RABGAP1L: variants seen among roughly 807,000 people sequenced by gnomAD.
The protein encoded by RABGAP1L is rab GTPase-activating protein 1-like.
RABGAP1L carries 63 observed loss-of-function variants against 137.7 expected under a neutral mutation model. The observed-to-expected ratio is 0.46, with a 90% CI of 0.37 to 0.56. RABGAP1L has a LOEUF of 0.56. RABGAP1L is among the 20% of genes least tolerant of loss of function. The pLI is 0.00. For missense variants in RABGAP1L, 1,095 were observed against 1,244.0 expected (o/e 0.88, Z 1.80); for synonymous variants, 431 against 433.7 (o/e 0.99, Z 0.08).
At chr1:174,390,571 A>G (rs1448162719) in intron 12 of RABGAP1L, among the ~76,000 whole-genome samples, 6 of 152,206 alleles carry the variant, frequency 3.9e-5, no homozygotes, top group Admixed American at 3.9e-4. Context: ...GCTGCTTGTT[A>G]CTTTCATTCT....
chr1:174,550,710 TA>T (rs532073439), intron 13 of RABGAP1L, among the ~76,000 whole-genome samples: 209 of 151,048 alleles, frequency 1.4e-3, no homozygotes, highest in African/African-American at 4.8e-3. Context: ...CTACAGAATC[TA>T]ACTGGCATTT....
At chr1:174,528,367 C>T (rs1424291396) in intron 13 of RABGAP1L, among the ~76,000 whole-genome samples, 1 of 152,002 alleles carries the variant, frequency 6.6e-6, no homozygotes, top group Non-Finnish European at 1.5e-5. Flanking sequence ...TTAGGACTCC[C>T]TTGAGCATTT....
intron 5 of RABGAP1L, chr1:174,245,399 AT>A (rs959769407): frequency 6.6e-6 from 1 of 152,100 alleles, no homozygotes. Context: ...ACAAGTATTT[AT>A]TTAATTGTTA....
At chr1:174,929,120 C>T (rs997219247) in intron 19 of RABGAP1L, among the ~76,000 whole-genome samples, 6 of 151,942 alleles carry the variant, frequency 3.9e-5, no homozygotes, top group African/African-American at 1.5e-4. Context: ...ATGTAAATGA[C>T]GAGTTAATGG....
rs1222277473 is a variant in RABGAP1L at position 174,329,654 on chromosome 1, AATGTAAAG to A, written c.1465+24531_1465+24538del. 1.3e-5 allele frequency among the ~76,000 whole-genome samples: 2 copies of A among 152,178 alleles called. 1 individual carries two copies. Among genetic ancestry groups the A allele is most frequent in the Non-Finnish European group, 2.9e-5 (2 of 68,020 alleles). On this transcript the variant is annotated intron_variant, in intron 11 of 25. Coordinates refer to ENST00000681986, the MANE Select transcript of RABGAP1L (RefSeq NM_001366446.1). ...ATTATCTAGAAGGATTCAACCCAGGAATGTAAAGATGGTTTAACATAAGCAAATCAGTA... is the reference window on the plus strand; with the variant it reads ...ATTATCTAGAAGGATTCAACCCAGGAATGGTTTAACATAAGCAAATCAGTA...
chr1:174,867,052 C>T (rs1389690964), intron 19 of RABGAP1L, among the ~76,000 whole-genome samples: 2 of 151,292 alleles, frequency 1.3e-5, no homozygotes, highest in African/African-American at 4.9e-5. Context: ...TGCATCACTG[C>T]ACTCCAGCCT....
chr1:174,734,090 G>A (rs1249519103), intron 17 of RABGAP1L, among the ~76,000 whole-genome samples: 1 of 152,178 alleles, frequency 6.6e-6, no homozygotes, highest in Non-Finnish European at 1.5e-5. Context: ...AGAAGAGATT[G>A]GAGGAAGAAC....
At chr1:174,441,808 A>G (rs973920271) in intron 13 of RABGAP1L, among the ~76,000 whole-genome samples, 6 of 152,102 alleles carry the variant, frequency 3.9e-5, no homozygotes, top group Non-Finnish European at 5.9e-5. Flanking sequence ...GTTGCTAAAA[A>G]GAAAAAACTA....
chr1:174,161,304 G>A (rs938140972), intron 1 of RABGAP1L, among the ~76,000 whole-genome samples: 61 of 149,908 alleles, frequency 4.1e-4, no homozygotes, highest in African/African-American at 1.3e-3. Context: ...GTGCAACAGC[G>A]CGATCTCGGC....
chr1:174,287,417 C>T (rs541774106), intron 10 of RABGAP1L, among the ~76,000 whole-genome samples: 1 of 152,208 alleles, frequency 6.6e-6, no homozygotes, highest in South Asian at 2.1e-4. Flanking sequence ...CCTGTGTGTT[C>T]TCAAAGCTAA....
chr1:174,384,029 A>T (rs947297525), intron 12 of RABGAP1L, among the ~76,000 whole-genome samples: 2 of 152,160 alleles, frequency 1.3e-5, no homozygotes, highest in Non-Finnish European at 2.9e-5. Flanking sequence ...AAACAACCCA[A>T]ATGTCCGTCA....
At chr1:174,170,672 A>AG (rs1491538913) in intron 1 of RABGAP1L, among the ~76,000 whole-genome samples, 1 of 60,252 alleles carries the variant, frequency 1.7e-5, no homozygotes, top group African/African-American at 1.2e-4. Context: ...ACGCTGTTTC[A>AG]AAAAAAAAAA....
chr1:174,587,928 A>G (rs1448893344), intron 13 of RABGAP1L, among the ~76,000 whole-genome samples: 3 of 152,160 alleles, frequency 2.0e-5, no homozygotes, highest in African/African-American at 7.2e-5. Flanking sequence ...CAGTGGCACA[A>G]TCTCGACTCA....
chr1:174,641,531 C>T (rs1320440360), intron 14 of RABGAP1L, among the ~76,000 whole-genome samples: 1 of 152,112 alleles, frequency 6.6e-6, no homozygotes. Flanking sequence ...CTCTCCCTGT[C>T]TTTCCTATTG....
At chr1:174,833,386 G>GTGTA (rs1558126928) in intron 19 of RABGAP1L, among the ~76,000 whole-genome samples, 3 of 52,450 alleles carry the variant, frequency 5.7e-5, no homozygotes, top group Admixed American at 2.7e-4. Flanking sequence ...GTGTGTGTGT[G>GTGTA]TGTGTGTGTG....
chr1:174,314,157 G>A (rs767303115), intron 11 of RABGAP1L, among the ~76,000 whole-genome samples: 2 of 152,066 alleles, frequency 1.3e-5, no homozygotes, highest in African/African-American at 2.4e-5. Flanking sequence ...TCTTTAGTGG[G>A]AGACTTCTTA....
At chr1:174,604,755 G>A (rs541368551) in intron 13 of RABGAP1L, among the ~76,000 whole-genome samples, 1 of 152,208 alleles carries the variant, frequency 6.6e-6, no homozygotes, top group East Asian at 1.9e-4. Flanking sequence ...AAGAAAAATG[G>A]GTGCTCTTTA....
At chr1:174,989,436 C>T (rs1426235533) in intron 25 of RABGAP1L, among the ~76,000 whole-genome samples, 3 of 152,182 alleles carry the variant, frequency 2.0e-5, no homozygotes, top group African/African-American at 7.2e-5. Flanking sequence ...CATGTGTCTG[C>T]TCTGACCTTG....
rs146110606 is a variant in RABGAP1L at position 174,600,657 on chromosome 1, C to G, written c.1711-36718C>G. Among the ~76,000 whole-genome samples, 16 of 152,350 alleles carry G rather than the reference C, an allele frequency of 1.1e-4. No homozygotes were observed. In the East Asian group the frequency reaches 2.1e-3, roughly 20 times the overall value. Reference sequence around the variant, plus strand: ...AATGATCTCCTTTGACTCCACGTCTCTTATCCAGGTCACACTGATGCAAGA... The same window carrying G: ...AATGATCTCCTTTGACTCCACGTCTGTTATCCAGGTCACACTGATGCAAGA... On this transcript the variant is annotated intron_variant, in intron 13 of 25. Coordinates refer to ENST00000681986, the MANE Select transcript of RABGAP1L (RefSeq NM_001366446.1).
Sources: gnomAD v4.1 joint callset for allele counts (sites outside exome capture counted in the v4.1 genomes callset) on GRCh38, gnomAD v4.1.1 for gene constraint, MANE v1.5 for transcripts, NCBI Gene and HGNC (gene_info 2026-07-23, HGNC 2026-07-21) for gene names.